Variants in DPP4 observed in about 807,000 individuals in gnomAD.
DPP4 encodes the protein ADCP-2.
A neutral mutation model predicts 122.4 loss-of-function variants in DPP4; 93 were observed. The observed-to-expected ratio is 0.76, with a 90% CI of 0.64 to 0.90. The LOEUF is 0.90. Ranked by LOEUF, DPP4 falls within the 40% of genes least tolerant of loss-of-function variation. The pLI is 0.00. For synonymous variants in DPP4, 321 were observed against 302.9 expected (o/e 1.06, Z -0.62); for missense variants, 914 against 907.3 (o/e 1.01, Z -0.09).
At chr2:162,045,279 GTTA>G (rs1054343772) in intron 5 of DPP4, among the ~76,000 whole-genome samples, 73 of 152,174 alleles carry the variant, frequency 4.8e-4, no homozygotes, top group African/African-American at 1.4e-3. Flanking sequence ...ATTGACTTAT[GTTA>G]TTAGTATATA....
intron 2 of DPP4, among the ~76,000 whole-genome samples, chr2:162,063,707 C>T (rs1684859393): frequency 7.3e-6 from 1 of 137,256 alleles, no homozygotes; most frequent in South Asian, 2.4e-4. Flanking sequence ...ACCCTTATTC[C>T]AGGAGGCTTA....
intron 2 of DPP4, among the ~76,000 whole-genome samples, chr2:162,061,563 A>T (rs1684775767): frequency 6.6e-6 from 1 of 152,214 alleles, no homozygotes; most frequent in Non-Finnish European, 1.5e-5. Context: ...GGATAAACGT[A>T]TTCTATCTTT....
Position 162,038,303 on chromosome 2 carries a change from T to G in DPP4, c.612A>C (p.Glu204Asp). The G allele has an allele frequency of 6.4e-7, 1 of 1,556,444 alleles. No individual in the cohort carries two copies. Among genetic ancestry groups the G allele is most frequent in the Non-Finnish European group, 8.6e-7 (1 of 1,157,526 alleles). The change falls in exon 8 of 26, where the codon GAA (glutamate) becomes GAC (aspartate). Residue 204 changes from glutamate (E) to aspartate (D), a missense_variant and splice_region_variant. By Grantham distance (45) the Glu-to-Asp change is conservative. Transcript: ENST00000360534. Reference protein sequence around the residue: ...IYNGITDWVYEEEVFSAYSAL... With the variant: ...IYNGITDWVYDEEVFSAYSAL... ...TTGAAAAAGCTTTAAAGTTTCTACC[T>G]TCATAAACCCAGTCAGTTATTCCAT...
intron 20 of DPP4, 126 bp from the exon 21 acceptor site, chr2:162,009,421 C>A: frequency 2.7e-6 from 2 of 751,572 alleles, no homozygotes; most frequent in Non-Finnish European, 2.3e-6. Flanking sequence ...AAAATTGCTG[C>A]CAGTAATCAA....
chr2:162,013,619 G>A (rs1442897423), intron 19 of DPP4, among the ~76,000 whole-genome samples: 1 of 151,850 alleles, frequency 6.6e-6, no homozygotes, highest in African/African-American at 2.4e-5. Context: ...TACTATATGG[G>A]TTTGTTGTGT....
At chr2:162,020,768 T>C in intron 12 of DPP4, 80 bp from the exon 13 acceptor site, 1 of 897,850 alleles carries the variant, frequency 1.1e-6, no homozygotes, top group Non-Finnish European at 1.7e-6. Context: ...GAAAGTCCTG[T>C]CCAATACCTA....
chr2:162,017,242 T>TA (rs1237430638), intron 16 of DPP4, 87 bp from the exon 17 acceptor site: 1 of 1,132,040 alleles, frequency 8.8e-7, no homozygotes, highest in Non-Finnish European at 1.3e-6. Flanking sequence ...TACCATTTGT[T>TA]ACCATTTAAC....
At chr2:162,055,222 T>G (rs1684526393) in intron 2 of DPP4, among the ~76,000 whole-genome samples, 1 of 152,234 alleles carries the variant, frequency 6.6e-6, no homozygotes, top group Non-Finnish European at 1.5e-5. Context: ...TCCCTTCTAT[T>G]AATACATGCC....
chr2:162,046,009 G>C (rs1684161927), intron 4 of DPP4, among the ~76,000 whole-genome samples: 1 of 151,998 alleles, frequency 6.6e-6, no homozygotes. Flanking sequence ...GAAGGTGAGA[G>C]GACAACAAAT....
rs1683852237 is a variant in DPP4 at position 162,038,229 on chromosome 2, A to G, written c.613+73T>C. On this transcript the variant is annotated intron_variant, in intron 8 of 25. Transcript: ENST00000360534. Reference sequence around the variant, plus strand: ...TTTTCAATCTCATTTAAATTTTCCCATTGCAAAAGAAACATTTAACTATTT... The same window carrying G: ...TTTTCAATCTCATTTAAATTTTCCCGTTGCAAAAGAAACATTTAACTATTT... 2.0e-5 allele frequency: 27 copies of G among 1,364,160 alleles called. No individual in the cohort carries two copies. The South Asian group carries it at 4.0e-4, about 20-fold the overall frequency. 84.5% of individuals were successfully genotyped at this position (1,364,160 alleles called of 1,614,324 possible). A position where few individuals can be genotyped will look rare whatever the true frequency, so the allele number is the denominator to read the frequency against.
At chr2:162,065,598 T>C (rs2216447) in intron 2 of DPP4, among the ~76,000 whole-genome samples, 38,157 of 152,166 alleles carry the variant, frequency 0.25, 5,885 homozygotes, top group Non-Finnish European at 0.36. Context: ...ACAATCCTCA[T>C]ACAGCATCAG....
chr2:162,038,928 C>G, intron 7 of DPP4, 21 bp downstream of exon 7: 2 of 1,611,608 alleles, frequency 1.2e-6, no homozygotes, highest in South Asian at 2.2e-5. Flanking sequence ...ATTTTTCTGA[C>G]AACTGGAGAG....
At chr2:162,009,088 C>T (rs1701353826) in intron 21 of DPP4, among the ~76,000 whole-genome samples, 153 bp downstream of exon 21, 1 of 152,086 alleles carries the variant, frequency 6.6e-6, no homozygotes, top group African/African-American at 2.4e-5. Context: ...GTAAGCCTAA[C>T]TCAGTGGAGA....
Position 162,043,329 on chromosome 2 carries a change from T to C in DPP4, c.366+2203A>G, listed in dbSNP as rs557706464. On this transcript the variant is annotated intron_variant, in intron 5 of 25. Coordinates refer to ENST00000360534, the MANE Select transcript of DPP4 (RefSeq NM_001935.4). ...GGCCTCAGGATGCCAGGGTTAGAGCTGGTGTTTTATTTTGAGTGTGATGGG... is the reference window on the plus strand; with the variant it reads ...GGCCTCAGGATGCCAGGGTTAGAGCCGGTGTTTTATTTTGAGTGTGATGGG... Among the ~76,000 whole-genome samples the C allele has an allele frequency of 3.9e-5, 6 of 152,294 alleles. No homozygotes were observed. The South Asian group carries it at 1.0e-3, about 26-fold the overall frequency.
At chr2:162,059,389 A>G (rs1456475016) in intron 2 of DPP4, among the ~76,000 whole-genome samples, 3 of 152,242 alleles carry the variant, frequency 2.0e-5, no homozygotes, top group Non-Finnish European at 4.4e-5. Flanking sequence ...AGGCCGTGAA[A>G]TCCGAGGTGA....
At chr2:161,993,593 A>G (rs938246075) in intron 25 of DPP4, among the ~76,000 whole-genome samples, 1 of 152,198 alleles carries the variant, frequency 6.6e-6, no homozygotes. Flanking sequence ...TCTGTCCTGC[A>G]GAAGTCTCTG....
chr2:162,035,022 A>C (rs1265862497), intron 9 of DPP4, 142 bp downstream of exon 9: 1 of 705,744 alleles, frequency 1.4e-6, no homozygotes, highest in Non-Finnish European at 2.2e-6. Flanking sequence ...TAAAATTGCC[A>C]GATGCTGTTG....
intron 2 of DPP4, among the ~76,000 whole-genome samples, chr2:162,056,617 G>A (rs1290144031): frequency 1.3e-5 from 2 of 152,158 alleles, no homozygotes; most frequent in Non-Finnish European, 2.9e-5. Context: ...AGCAAACTAT[G>A]GAAGGAATTT....
intron 23 of DPP4, among the ~76,000 whole-genome samples, chr2:161,997,348 C>T (rs762866971): frequency 5.9e-5 from 9 of 152,056 alleles, no homozygotes; most frequent in Non-Finnish European, 2.9e-5. Flanking sequence ...TTTATCCCTC[C>T]GTTGATTTTT....
Sources: allele counts gnomAD v4.1 joint callset (sites outside exome capture counted in the v4.1 genomes callset), GRCh38; gene constraint gnomAD v4.1.1; transcripts MANE v1.5; gene names NCBI Gene and HGNC (gene_info 2026-07-23, HGNC 2026-07-21).